AP1S3: variants seen among roughly 807,000 people sequenced by gnomAD.
The protein encoded by AP1S3 is adaptor related protein complex 1 subunit sigma 3.
AP1S3 carries 10 observed loss-of-function variants against 20.9 expected under a neutral mutation model. That is an observed-to-expected ratio of 0.48 (90% confidence interval 0.29 to 0.81). AP1S3 has a LOEUF of 0.81. Ranked by LOEUF, AP1S3 falls within the 30% of genes least tolerant of loss-of-function variation. The pLI is 0.08. For synonymous variants in AP1S3, 41 were observed against 61.5 expected, an observed-to-expected ratio of 0.67 and a Z score of 1.56; for missense variants, 154 against 183.8, an observed-to-expected ratio of 0.84 and a Z score of 0.94.
chr2:223,824,690 A>T (rs1226868345), intron 1 of AP1S3, among the ~76,000 whole-genome samples: 1 of 151,998 alleles, frequency 6.6e-6, no homozygotes, highest in Non-Finnish European at 1.5e-5. Context: ...GGCGCCTGCC[A>T]CATGCGCAGC....
At chr2:223,794,655 C>T (rs963082294) in intron 1 of AP1S3, among the ~76,000 whole-genome samples, 6 of 152,140 alleles carry the variant, frequency 3.9e-5, no homozygotes, top group African/African-American at 9.7e-5. Context: ...ATGTTACACA[C>T]GACTTGTCGG....
At position 223,819,878 on chromosome 2, in the gene AP1S3, A is replaced by C. The variant is rs555578009; in HGVS notation, c.3+17570T>G. Among the ~76,000 whole-genome samples, 7 of 152,224 alleles carry C rather than the reference A, an allele frequency of 4.6e-5. No individual in the cohort carries two copies. The East Asian group carries it at 1.2e-3, about 25-fold the overall frequency. ...TTACTGATAAAATACTATTATATTCACTGGTTATAAAAAATGAGTTCAGGA... is the reference window on the plus strand; with the variant it reads ...TTACTGATAAAATACTATTATATTCCCTGGTTATAAAAAATGAGTTCAGGA... On this transcript the variant is annotated intron_variant, in intron 1 of 4. Transcript: ENST00000396654.
rs544058326 is a variant in AP1S3, at chr2:223,776,834, C to A, written c.183-825G>T. Among the ~76,000 whole-genome samples, 5 of 152,232 alleles carry A rather than the reference C, an allele frequency of 3.3e-5. No individual in the cohort carries two copies. In the South Asian group the frequency reaches 8.3e-4, roughly 25 times the overall value. ...GATCTAGATTTGAATCCTGGCTCTA[C>A]CAATTAACACTCAATTACTGTGACT... is the stretch of plus-strand genomic sequence containing the variant. On this transcript the variant is annotated intron_variant, in intron 2 of 4. Coordinates refer to ENST00000396654, the MANE Select transcript of AP1S3 (RefSeq NM_001039569.2).
chr2:223,800,035 C>T (rs13423877), intron 1 of AP1S3, among the ~76,000 whole-genome samples: 61,637 of 151,014 alleles, frequency 0.41, 12,691 homozygotes, highest in Middle Eastern at 0.48. Flanking sequence ...ATCAATGTGG[C>T]AAAACCCCAT....
chr2:223,780,304 TATATAGAGAGAG>T (rs1461294305), intron 1 of AP1S3, among the ~76,000 whole-genome samples: 15 of 46,022 alleles, frequency 3.3e-4, no homozygotes, highest in South Asian at 1.0e-3. Context: ...TATATATATA[TATATAGAGAGAG>T]AGAGAGAGAG....
At chr2:223,809,886 G>A (rs1015655653) in intron 1 of AP1S3, among the ~76,000 whole-genome samples, 3 of 151,480 alleles carry the variant, frequency 2.0e-5, no homozygotes, top group South Asian at 2.1e-4. Flanking sequence ...ACGCCACCAC[G>A]CCCAGCTAAT....
At chr2:223,808,057 T>G (rs1333668079) in intron 1 of AP1S3, among the ~76,000 whole-genome samples, 2 of 151,794 alleles carry the variant, frequency 1.3e-5, no homozygotes, top group Admixed American at 1.3e-4. Flanking sequence ...GCCCAGCTAA[T>G]TTTTGTATTT....
chr2:223,769,958 A>G (rs919519459), intron 3 of AP1S3, among the ~76,000 whole-genome samples: 15 of 151,784 alleles, frequency 9.9e-5, no homozygotes, highest in African/African-American at 3.1e-4. Flanking sequence ...GTTAGCCAGG[A>G]TGGTCTCGAT....
intron 4 of AP1S3, among the ~76,000 whole-genome samples, chr2:223,764,872 C>T (rs1690439432): frequency 6.6e-6 from 1 of 152,060 alleles, no homozygotes; most frequent in African/African-American, 2.4e-5. Flanking sequence ...AAAGCTCATC[C>T]AAATGTGAAG....
chr2:223,759,203 C>T (rs546674753), intron 4 of AP1S3, among the ~76,000 whole-genome samples: 13 of 151,864 alleles, frequency 8.6e-5, no homozygotes, highest in African/African-American at 3.1e-4. Flanking sequence ...TTGCTTGAAC[C>T]GGGAGGCGGA....
At chr2:223,775,628 G>A (rs1690765704) in intron 3 of AP1S3, among the ~76,000 whole-genome samples, 1 of 152,126 alleles carries the variant, frequency 6.6e-6, no homozygotes. Flanking sequence ...ATTGCTTGAG[G>A]CCAAGAGTTC....
intron 1 of AP1S3, among the ~76,000 whole-genome samples, chr2:223,784,028 C>A (rs1691017644): frequency 6.6e-6 from 1 of 150,388 alleles, no homozygotes; most frequent in South Asian, 2.1e-4. Context: ...TTTTTCCCAC[C>A]TCTACAGCCA....
chr2:223,782,461 C>G (rs1690973144), intron 1 of AP1S3, among the ~76,000 whole-genome samples: 1 of 152,076 alleles, frequency 6.6e-6, no homozygotes, highest in Non-Finnish European at 1.5e-5. Context: ...TACTTTTAAT[C>G]GAGGGCACCT....
intron 1 of AP1S3, among the ~76,000 whole-genome samples, chr2:223,832,581 G>T (rs1255109693): frequency 6.6e-6 from 1 of 152,128 alleles, no homozygotes; most frequent in Non-Finnish European, 1.5e-5. Flanking sequence ...TCTCCGAGGA[G>T]GAAAGCACTC....
At chr2:223,815,123 G>A (rs146898136) in intron 1 of AP1S3, among the ~76,000 whole-genome samples, 1 of 152,122 alleles carries the variant, frequency 6.6e-6, no homozygotes, top group Non-Finnish European at 1.5e-5. Flanking sequence ...TTAGACTTTC[G>A]ATTGATTTTA....
intron 1 of AP1S3, among the ~76,000 whole-genome samples, chr2:223,784,669 G>A (rs1691034147): frequency 6.6e-6 from 1 of 152,074 alleles, no homozygotes; most frequent in African/African-American, 2.4e-5. Context: ...AGTCCTATAA[G>A]TGCCCATATC....
intron 1 of AP1S3, among the ~76,000 whole-genome samples, chr2:223,802,003 A>G (rs190329153): frequency 1.3e-5 from 2 of 152,334 alleles, no homozygotes; most frequent in East Asian, 1.9e-4. Flanking sequence ...TTTGCAAAAG[A>G]TATCTGAGGC....
At chr2:223,777,623 A>T in intron 2 of AP1S3, 68 bp downstream of exon 2, 1 of 1,413,958 alleles carries the variant, frequency 7.1e-7, no homozygotes, top group Non-Finnish European at 9.6e-7. Context: ...ATAGCAATCT[A>T]AAATGTTCAG....
At chr2:223,833,005 A>G (rs1190366786) in intron 1 of AP1S3, among the ~76,000 whole-genome samples, 2 of 151,944 alleles carry the variant, frequency 1.3e-5, no homozygotes, top group Non-Finnish European at 2.9e-5. Context: ...ACATTATGAG[A>G]ACGGAATTTG....
Sources: gnomAD v4.1 joint callset for allele counts (sites outside exome capture counted in the v4.1 genomes callset) on GRCh38, gnomAD v4.1.1 for gene constraint, MANE v1.5 for transcripts, NCBI Gene and HGNC (gene_info 2026-07-23, HGNC 2026-07-21) for gene names.